The following FOXP2 variants were observed in gnomAD, a reference collection of about 807,000 sequenced individuals.
FOXP2 encodes the protein forkhead box protein P2.
Under a neutral mutation model 115.8 loss-of-function variants are expected in FOXP2, and 12 were observed. The ratio of observed to expected loss-of-function variants is 0.10; its 90% confidence interval spans 0.07 to 0.17. FOXP2 has a LOEUF of 0.17. FOXP2 is among the 10% of genes least tolerant of loss of function. The probability of loss-of-function intolerance (pLI) is 1.00; values close to 1 mark genes in which losing one functional copy is unlikely to be tolerated. For missense variants in FOXP2, 629 were observed against 843.5 expected (o/e 0.75, Z 3.15); for synonymous variants, 328 against 297.7 (o/e 1.10, Z -1.05).
At chr7:114,293,965 A>G (rs1796674032) in intron 2 of FOXP2, among the ~76,000 whole-genome samples, 1 of 152,198 alleles carries the variant, frequency 6.6e-6, no homozygotes, top group Admixed American at 6.5e-5. Context: ...ACATTATATA[A>G]TATTTCAGCC....
chr7:114,521,338 AG>A (rs1479337431), intron 2 of FOXP2, among the ~76,000 whole-genome samples: 1 of 151,988 alleles, frequency 6.6e-6, no homozygotes, highest in Non-Finnish European at 1.5e-5. Context: ...CATGCTTAAA[AG>A]GGAGATTAGA....
At chr7:114,600,985 A>T (rs1802994381) in intron 3 of FOXP2, among the ~76,000 whole-genome samples, 1 of 150,070 alleles carries the variant, frequency 6.7e-6, no homozygotes, top group Non-Finnish European at 1.5e-5. Context: ...ATTTTTTGAA[A>T]CAGAGTCTCA....
At chr7:114,152,883 G>A (rs1490928168) in intron 1 of FOXP2, among the ~76,000 whole-genome samples, 1 of 152,124 alleles carries the variant, frequency 6.6e-6, no homozygotes, top group Non-Finnish European at 1.5e-5. Flanking sequence ...TGGTGAGCCT[G>A]CAGCAGGATT....
intron 2 of FOXP2, among the ~76,000 whole-genome samples, chr7:114,334,931 C>CTCTCTCTCTCTCTATATATA (rs1554371352): frequency 1.7e-5 from 2 of 119,334 alleles, no homozygotes; most frequent in South Asian, 5.7e-4. Context: ...ATATAGAAAT[C>CTCTCTCTCTCTCTATATATA]TATATATATA....
intron 1 of FOXP2, among the ~76,000 whole-genome samples, chr7:114,416,089 G>T (rs933539713): frequency 6.6e-6 from 1 of 151,890 alleles, no homozygotes; most frequent in African/African-American, 2.4e-5. Context: ...GCTTGGCTGG[G>T]CTATAAATTA....
intron 2 of FOXP2, among the ~76,000 whole-genome samples, chr7:114,308,914 C>T (rs925124506): frequency 1.3e-5 from 2 of 152,142 alleles, no homozygotes; most frequent in East Asian, 1.9e-4. Context: ...GGGAGGGAGA[C>T]AAAAGACCGA....
chr7:114,647,608 G>A (rs890354640), intron 8 of FOXP2, among the ~76,000 whole-genome samples: 4 of 151,820 alleles, frequency 2.6e-5, no homozygotes, highest in African/African-American at 9.7e-5. Flanking sequence ...TAAAGTAGGT[G>A]TTGACAGAAG....
At chr7:114,256,417 A>AT (rs759586071) in intron 1 of FOXP2, among the ~76,000 whole-genome samples, 95 of 152,070 alleles carry the variant, frequency 6.2e-4, no homozygotes, top group Admixed American at 1.6e-3. Context: ...AAGATGGTAT[A>AT]TTTTGTGGTT....
chr7:114,319,155 G>T (rs767494924), intron 2 of FOXP2, among the ~76,000 whole-genome samples: 2 of 151,380 alleles, frequency 1.3e-5, no homozygotes, highest in Non-Finnish European at 2.9e-5. Context: ...GACCTGTGAT[G>T]GGGGGTTGGG....
At chr7:114,570,739 G>T (rs1195093995) in intron 3 of FOXP2, 11 of 1,142,882 alleles carry the variant, frequency 9.6e-6, no homozygotes, top group Non-Finnish European at 1.2e-5. Flanking sequence ...AAATGATAAT[G>T]TACGTTATTA....
chr7:114,237,584 A>G (rs531423129), intron 1 of FOXP2, among the ~76,000 whole-genome samples: 1 of 151,922 alleles, frequency 6.6e-6, no homozygotes, highest in East Asian at 1.9e-4. Context: ...CTGCTCCCAC[A>G]CTGTGGAGTG....
chr7:114,494,414 G>A (rs1797215761), intron 2 of FOXP2, among the ~76,000 whole-genome samples: 2 of 152,014 alleles, frequency 1.3e-5, no homozygotes, highest in Non-Finnish European at 2.9e-5. Flanking sequence ...CCAAATCCTA[G>A]GCTCAAGCAA....
intron 2 of FOXP2, among the ~76,000 whole-genome samples, chr7:114,476,747 G>A (rs1486886402): frequency 5.3e-5 from 8 of 151,980 alleles, no homozygotes; most frequent in African/African-American, 1.9e-4. Context: ...CTCCCAAACT[G>A]TGAGCATGGA....
intron 3 of FOXP2, among the ~76,000 whole-genome samples, chr7:114,605,856 C>T (rs1478918828): frequency 6.6e-6 from 1 of 152,070 alleles, no homozygotes; most frequent in Non-Finnish European, 1.5e-5. Context: ...ATTGAGAGAG[C>T]TTTTTAGTAT....
At chr7:114,202,773 GAGGATTAA>G (rs1380931162) in intron 1 of FOXP2, among the ~76,000 whole-genome samples, 2 of 152,116 alleles carry the variant, frequency 1.3e-5, no homozygotes, top group African/African-American at 4.8e-5. Flanking sequence ...TAGACGTTTT[GAGGATTAA>G]ATGAGACAGT....
chr7:114,292,376 A>G (rs1796627210), intron 2 of FOXP2, among the ~76,000 whole-genome samples: 1 of 152,182 alleles, frequency 6.6e-6, no homozygotes, highest in Non-Finnish European at 1.5e-5. Context: ...CCAGCAGACT[A>G]TTCCTCTTTG....
upstream of FOXP2, among the ~76,000 whole-genome samples, chr7:114,411,015 G>A (rs1291422755): frequency 6.6e-5 from 10 of 152,042 alleles, no homozygotes; most frequent in Admixed American, 6.6e-4. Context: ...TGCACTCTCA[G>A]CGAACTTAGT....
chr7:114,105,986 A>T (rs182504559), intron 1 of FOXP2, among the ~76,000 whole-genome samples: 1 of 152,056 alleles, frequency 6.6e-6, no homozygotes, highest in Non-Finnish European at 1.5e-5. Flanking sequence ...GAAAGCAGAA[A>T]CGATGTCTTC....
chr7:114,381,859 T>A (rs1792311544), intron 2 of FOXP2, among the ~76,000 whole-genome samples: 1 of 152,098 alleles, frequency 6.6e-6, no homozygotes, highest in South Asian at 2.1e-4. Flanking sequence ...GGTACTGCCT[T>A]TGGTAGGGAA....
Sources: gnomAD v4.1 joint callset for allele counts (sites outside exome capture counted in the v4.1 genomes callset) on GRCh38, gnomAD v4.1.1 for gene constraint, MANE v1.5 for transcripts, NCBI Gene and HGNC (gene_info 2026-07-23, HGNC 2026-07-21) for gene names.